The following VTI1A variants were observed in gnomAD, a reference collection of about 807,000 sequenced individuals.
VTI1A encodes the protein vesicle transport through interaction with t-SNAREs 1A, also known as vesicle transport through interaction with t-SNAREs homolog 1A.
A neutral mutation model predicts 34.9 loss-of-function variants in VTI1A; 22 were observed. The observed-to-expected ratio is 0.63, with a 90% CI of 0.45 to 0.90. The LOEUF is 0.90. Ranked by LOEUF, VTI1A falls within the 40% of genes least tolerant of loss-of-function variation. The pLI, the probability that VTI1A is intolerant of heterozygous loss-of-function variation, is 0.00. For missense variants in VTI1A, 268 were observed against 275.6 expected (o/e 0.97, Z 0.20); for synonymous variants, 87 against 97.3 (o/e 0.89, Z 0.62).
chr10:112,660,289 G>C (rs926888569), intron 5 of VTI1A, among the ~76,000 whole-genome samples: 1 of 152,096 alleles, frequency 6.6e-6, no homozygotes, highest in Non-Finnish European at 1.5e-5. Context: ...CTAGTAGAGA[G>C]GGGTTTCACC....
intron 3 of VTI1A, among the ~76,000 whole-genome samples, chr10:112,465,014 T>C (rs931895894): frequency 4.6e-5 from 7 of 152,230 alleles, no homozygotes; most frequent in African/African-American, 1.7e-4. Flanking sequence ...CTTCAGGGGC[T>C]CATAGTCTCC....
intron 7 of VTI1A, among the ~76,000 whole-genome samples, chr10:112,741,327 C>T (rs371386544): frequency 1.5e-4 from 23 of 152,076 alleles, no homozygotes; most frequent in African/African-American, 4.6e-4. Flanking sequence ...TGGTGGCACG[C>T]GCCTGTAATC....
intron 7 of VTI1A, among the ~76,000 whole-genome samples, chr10:112,814,910 G>A (rs1041992419): frequency 6.6e-6 from 1 of 152,116 alleles, no homozygotes; most frequent in Non-Finnish European, 1.5e-5. Flanking sequence ...AGGAAACACT[G>A]CAAAAAATGA....
intron 5 of VTI1A, among the ~76,000 whole-genome samples, chr10:112,651,211 TG>T (rs1294045985): frequency 6.6e-6 from 1 of 152,218 alleles, no homozygotes; most frequent in African/African-American, 2.4e-5. Context: ...ACCTATTAGA[TG>T]GTTTTTACAT....
chr10:112,732,150 A>G (rs1850287238), intron 7 of VTI1A, among the ~76,000 whole-genome samples: 1 of 152,202 alleles, frequency 6.6e-6, no homozygotes, highest in East Asian at 1.9e-4. Flanking sequence ...TTTTGAGCAA[A>G]TGACATCACA....
chr10:112,459,019 T>C (rs1420471272), intron 1 of VTI1A, among the ~76,000 whole-genome samples: 1 of 152,222 alleles, frequency 6.6e-6, no homozygotes, highest in Non-Finnish European at 1.5e-5. Context: ...GCTGTCCTTC[T>C]GAAGGCTGGT....
In VTI1A at chr10:112,737,872, C is replaced by T. The variant is rs979519598; in HGVS notation, c.560+68874C>T. The T allele has an allele frequency of 1.0e-5, 11 of 1,061,750 alleles. No homozygotes were observed. In the East Asian group the frequency reaches 1.5e-4, roughly 15 times the overall value. The allele number at this position is 1,061,750 out of a possible 1,614,324, so 65.8% of individuals were successfully genotyped here. ...TTTATCGTTGGTTTGATAGCTGAGC[C>T]GTAGGATCGATGCCTTTCAGCGAGT... is the stretch of plus-strand genomic sequence containing the variant. On this transcript the variant is annotated intron_variant, in intron 7 of 7. Coordinates refer to ENST00000393077, the MANE Select transcript of VTI1A (RefSeq NM_145206.4).
At chr10:112,848,009 T>C in the VTI1A span, among the ~76,000 whole-genome samples, 1 of 152,034 alleles carries the variant, frequency 6.6e-6, no homozygotes, top group African/African-American at 2.4e-5. Context: ...TGCTGAATCA[T>C]GAGAAAAAAA....
At chr10:112,492,905 G>A (rs1023655871) in intron 3 of VTI1A, among the ~76,000 whole-genome samples, 12 of 152,106 alleles carry the variant, frequency 7.9e-5, no homozygotes, top group African/African-American at 1.4e-4. Flanking sequence ...CCGTAATCGA[G>A]TTTTATGACA....
At chr10:112,687,937 G>A (rs968209714) in intron 7 of VTI1A, among the ~76,000 whole-genome samples, 1 of 151,112 alleles carries the variant, frequency 6.6e-6, no homozygotes, top group Non-Finnish European at 1.5e-5. Context: ...CATCCTGGCC[G>A]GTGACCAAGT....
At chr10:112,484,538 T>C (rs973429492) in intron 3 of VTI1A, among the ~76,000 whole-genome samples, 4 of 152,322 alleles carry the variant, frequency 2.6e-5, no homozygotes, top group South Asian at 4.1e-4. Context: ...TTGACACTTA[T>C]ATTTGTAACC....
At chr10:112,799,848 C>T (rs989477957) in intron 7 of VTI1A, among the ~76,000 whole-genome samples, 4 of 152,142 alleles carry the variant, frequency 2.6e-5, no homozygotes, top group Non-Finnish European at 5.9e-5. Context: ...AACAGAGCAG[C>T]CCAGGGCTTA....
At chr10:112,515,402 A>G (rs891338480) in intron 3 of VTI1A, among the ~76,000 whole-genome samples, 7 of 152,110 alleles carry the variant, frequency 4.6e-5, no homozygotes, top group African/African-American at 7.2e-5. Flanking sequence ...TCAATTATCA[A>G]TATCTTTAGT....
At chr10:112,476,959 G>A (rs77906073) in intron 3 of VTI1A, among the ~76,000 whole-genome samples, 2 of 152,152 alleles carry the variant, frequency 1.3e-5, no homozygotes, top group Admixed American at 6.5e-5. Flanking sequence ...GACTGAGCCA[G>A]ATCTGATCTC....
intron 1 of VTI1A, among the ~76,000 whole-genome samples, chr10:112,457,173 A>C (rs1223769743): frequency 6.6e-6 from 1 of 152,186 alleles, no homozygotes; most frequent in Non-Finnish European, 1.5e-5. Flanking sequence ...CGGCTCTGAA[A>C]TGTCGAGGAC....
intron 5 of VTI1A, among the ~76,000 whole-genome samples, chr10:112,644,355 A>G (rs982484767): frequency 3.3e-5 from 5 of 152,226 alleles, no homozygotes; most frequent in African/African-American, 1.2e-4. Context: ...CAGCACTGTC[A>G]AAATATGAAA....
rs116618613 is a variant in VTI1A at position 112,473,715 on chromosome 10, G to T, written c.264+9058G>T. On this transcript the variant is annotated intron_variant, in intron 3 of 7. Transcript: ENST00000393077. ...TTTACTGCGGCTCATCAAATCACTT[G>T]TGTTCTTTCTCCATATTTTCTCTGT... is the stretch of plus-strand genomic sequence containing the variant. Among the ~76,000 whole-genome samples, 1,055 of 152,148 alleles carry T rather than the reference G, an allele frequency of 6.9e-3. 14 individuals carry two copies. The highest frequency in any genetic ancestry group is 0.025 in the African/African-American group (1,026 of 41,520).
At position 112,723,171 on chromosome 10, in the gene VTI1A, A is replaced by T. The variant is rs139925156; in HGVS notation, c.560+54173A>T. On this transcript the variant is annotated intron_variant, in intron 7 of 7. Transcript: ENST00000393077. ...AAACTCTACATATTATGATATTATA[A>T]TTACCACCATCATCATCGTCCTCCT... is the stretch of plus-strand genomic sequence containing the variant. Among the ~76,000 whole-genome samples the T allele has an allele frequency of 9.9e-3, 1,510 of 152,312 alleles. 14 individuals are homozygous for T. The highest frequency in any genetic ancestry group is 0.023 in the South Asian group (113 of 4,820).
chr10:112,522,556 AC>A (rs1478589566), intron 3 of VTI1A, among the ~76,000 whole-genome samples: 1 of 152,106 alleles, frequency 6.6e-6, no homozygotes, highest in East Asian at 1.9e-4. Flanking sequence ...GGGAATGAGA[AC>A]GTCTTAATTC....
Sources: gnomAD v4.1 joint callset for allele counts (sites outside exome capture counted in the v4.1 genomes callset) on GRCh38, gnomAD v4.1.1 for gene constraint, MANE v1.5 for transcripts, NCBI Gene and HGNC (gene_info 2026-07-23, HGNC 2026-07-21) for gene names.